Variants in WDFY4 observed in about 807,000 individuals in gnomAD.
WDFY4 encodes WDFY family member 4.
Under a neutral mutation model 351.9 loss-of-function variants are expected in WDFY4, and 169 were observed. That is an observed-to-expected ratio of 0.48 (90% CI 0.42 to 0.55). The LOEUF is 0.55. Ranked by LOEUF, WDFY4 falls within the 20% of genes least tolerant of loss-of-function variation. The probability of loss-of-function intolerance (pLI) is 0.00; values close to 1 mark genes in which losing one functional copy is unlikely to be tolerated. For missense variants in WDFY4, 3,803 were observed against 3,935.6 expected, an observed-to-expected ratio of 0.97 and a Z score of 0.90; for synonymous variants, 1,622 against 1,574.6, an observed-to-expected ratio of 1.03 and a Z score of -0.71.
chr10:48,776,772 G>C lies in WDFY4; in HGVS notation c.2886G>C (p.Leu962Phe), dbSNP rs766569478. Reference protein sequence around the residue: ...GCSGSQTAQGLAEGPWPAAPD... With the variant: ...GCSGSQTAQGFAEGPWPAAPD... Reference sequence around the variant, plus strand: ...TAGGGTCACAGACTGCACAGGGCTTGGCTGAGGGGCCCTGGCCAGCTGCCC... The same window carrying C: ...TAGGGTCACAGACTGCACAGGGCTTCGCTGAGGGGCCCTGGCCAGCTGCCC... The change falls in exon 16 of 62, where the codon TTG (leucine) becomes TTC (phenylalanine). Residue 962 changes from leucine to phenylalanine, a missense_variant. Around this residue, in one of 3 missense-constraint regions of WDFY4, gnomAD observed 3,054 missense variants for 3,148.6 expected, o/e 0.97. Transcript: ENST00000325239. 6.5e-7 allele frequency: 1 copy of C among 1,549,710 alleles called. No individual in the cohort carries two copies. Among genetic ancestry groups the C allele is most frequent in the Non-Finnish European group, 8.7e-7 (1 of 1,146,436 alleles).
chr10:48,926,944 T>C (rs1839622108), intron 47 of WDFY4, among the ~76,000 whole-genome samples: 1 of 151,978 alleles, frequency 6.6e-6, no homozygotes, highest in African/African-American at 2.4e-5. Context: ...CCACATGGAG[T>C]GTGAGTCAAG....
chr10:48,851,058 A>G (rs1379528290), intron 39 of WDFY4, among the ~76,000 whole-genome samples: 1 of 152,230 alleles, frequency 6.6e-6, no homozygotes, highest in Non-Finnish European at 1.5e-5. Context: ...GCCCATCAAT[A>G]GGTCCTTTTT....
At chr10:48,903,131 G>T (rs1031827832) in intron 47 of WDFY4, among the ~76,000 whole-genome samples, 1 of 152,090 alleles carries the variant, frequency 6.6e-6, no homozygotes, top group African/African-American at 2.4e-5. Flanking sequence ...GGAGAAACAT[G>T]TTATGCAGTT....
At chr10:48,979,377 C>G (rs1486734972) in intron 60 of WDFY4, among the ~76,000 whole-genome samples, 1 of 152,208 alleles carries the variant, frequency 6.6e-6, no homozygotes, top group Non-Finnish European at 1.5e-5. Context: ...CTCTTATTCC[C>G]CAGCCTGCTT....
At chr10:48,837,934 G>A (rs530914725) in intron 39 of WDFY4, among the ~76,000 whole-genome samples, 2 of 152,204 alleles carry the variant, frequency 1.3e-5, no homozygotes, top group African/African-American at 2.4e-5. Context: ...AGCAAAGATT[G>A]GGGGACTTAT....
intron 43 of WDFY4, among the ~76,000 whole-genome samples, chr10:48,888,631 T>G (rs866294146): frequency 4.6e-5 from 7 of 152,190 alleles, no homozygotes; most frequent in Admixed American, 1.3e-4. Flanking sequence ...ACCTATGATG[T>G]TGGTACTCCT....
intron 53 of WDFY4, among the ~76,000 whole-genome samples, chr10:48,962,347 C>T (rs77907268): frequency 0.04 from 6,107 of 152,256 alleles, 392 homozygotes; most frequent in African/African-American, 0.13. Flanking sequence ...GGTGACCTGG[C>T]TTCTTCAGAT....
chr10:48,705,772 A>T (rs1041989628), intron 1 of WDFY4, among the ~76,000 whole-genome samples: 3 of 152,152 alleles, frequency 2.0e-5, no homozygotes, highest in Non-Finnish European at 4.4e-5. Flanking sequence ...TTCAGAGGAG[A>T]GCTGGGCGGT....
At chr10:48,694,435 C>T (rs557783294) in intron 1 of WDFY4, among the ~76,000 whole-genome samples, 4 of 152,136 alleles carry the variant, frequency 2.6e-5, no homozygotes, top group Admixed American at 6.5e-5. Flanking sequence ...TCCAAAGCCC[C>T]TGCTTCTGTG....
At chr10:48,762,452 G>T (rs1167516403) in intron 13 of WDFY4, among the ~76,000 whole-genome samples, 1 of 152,238 alleles carries the variant, frequency 6.6e-6, no homozygotes, top group Non-Finnish European at 1.5e-5. Context: ...TTGGGAAAGG[G>T]GTAGGCTGGT....
In WDFY4 at chr10:48,834,856, T is replaced by C. The variant is rs1227969287; in HGVS notation, c.6663+2147T>C. Reference sequence around the variant, plus strand: ...ATACAGCTCAGCTGCCTCCGAGTCCTGGGGACATGCATTGAGCAACAGTTC... The same window carrying C: ...ATACAGCTCAGCTGCCTCCGAGTCCCGGGGACATGCATTGAGCAACAGTTC... On this transcript the variant is annotated intron_variant, in intron 39 of 61. Transcript: ENST00000325239. Among the ~76,000 whole-genome samples the C allele has an allele frequency of 2.6e-5, 4 of 152,332 alleles. No individual in the cohort carries two copies. In the East Asian group the frequency reaches 7.7e-4, roughly 29 times the overall value.
chr10:48,790,113 C>T, intron 22 of WDFY4, 128 bp downstream of exon 22: 1 of 882,394 alleles, frequency 1.1e-6, no homozygotes, highest in Non-Finnish European at 1.8e-6. Flanking sequence ...TCGGGAGGAC[C>T]AGAGTTGGGA....
At chr10:48,752,161 C>G (rs2065204781) in intron 12 of WDFY4, among the ~76,000 whole-genome samples, 1 of 152,218 alleles carries the variant, frequency 6.6e-6, no homozygotes, top group Non-Finnish European at 1.5e-5. Context: ...CCCTACCTTA[C>G]AGCAATGCTT....
rs143587903 is a variant in WDFY4 at position 48,896,802 on chromosome 10, C to T, written c.7317-652C>T. Among the ~76,000 whole-genome samples the T allele has an allele frequency of 1.8e-3, 269 of 152,276 alleles. 1 individual carries two copies. The East Asian group carries it at 0.028, about 16-fold the overall frequency. On this transcript the variant is annotated intron_variant, in intron 44 of 61. Coordinates refer to ENST00000325239, the MANE Select transcript of WDFY4 (RefSeq NM_001394531.1). ...ATGAAGGGTCTGAGTCCTGTCAGTCCCTGTGGCAGCCACAGGCCACACCTG... is the reference window on the plus strand; with the variant it reads ...ATGAAGGGTCTGAGTCCTGTCAGTCTCTGTGGCAGCCACAGGCCACACCTG...
In WDFY4 at chr10:48,723,561, C is replaced by T. The variant is rs573178287; in HGVS notation, c.585C>T (p.Phe195=). 51 of 1,551,862 alleles carry T rather than the reference C, an allele frequency of 3.3e-5. No homozygotes were observed. In the East Asian group the frequency reaches 1.1e-3, roughly 33 times the overall value. The change falls in exon 5 of 62, where the codon TTC becomes TTT. Residue 195 remains phenylalanine (F), a synonymous_variant. Coordinates refer to ENST00000325239, the MANE Select transcript of WDFY4 (RefSeq NM_001394531.1). ...GTGATCTTCAAGTTCAAAAGATGTTCGTGCAGGTGAGTTCAAGGAGGGCCT... is the reference window on the plus strand; with the variant it reads ...GTGATCTTCAAGTTCAAAAGATGTTTGTGCAGGTGAGTTCAAGGAGGGCCT... ...LESDLQVQKM[F]VQMLLNICSD...
Position 48,705,368 on chromosome 10 carries a change from C to T in WDFY4, c.-17-4348C>T, listed in dbSNP as rs186371492. On this transcript the variant is annotated intron_variant, in intron 1 of 61. Coordinates refer to ENST00000325239, the MANE Select transcript of WDFY4 (RefSeq NM_001394531.1). The stretch of plus-strand genomic sequence containing the variant: ...AGGAGGTGAGTGCCTCCTTCATTGC[C>T]CTACCCTCACCCTGGCCTCGCCTGG... Among the ~76,000 whole-genome samples the T allele has an allele frequency of 1.5e-3, 223 of 152,284 alleles. 1 individual carries two copies. The highest frequency in any genetic ancestry group is 5.3e-3 in the African/African-American group (219 of 41,548).
At chr10:48,901,427 C>T (rs1837346316) in intron 46 of WDFY4, among the ~76,000 whole-genome samples, 2 of 152,224 alleles carry the variant, frequency 1.3e-5, no homozygotes, top group Non-Finnish European at 2.9e-5. Flanking sequence ...AACCACTACC[C>T]ACTCGGCTCA....
intron 42 of WDFY4, 125 bp from the exon 43 acceptor site, chr10:48,876,894 GCACAGTGAGAGATC>G (rs1460217455): frequency 1.2e-6 from 1 of 813,132 alleles, no homozygotes; most frequent in East Asian, 3.1e-5. Flanking sequence ...CAGTGGAGGG[GCACAGTGAGAGATC>G]CACGCTCTTC....
chr10:48,925,597 C>CT (rs950892339), intron 47 of WDFY4, among the ~76,000 whole-genome samples: 1 of 152,228 alleles, frequency 6.6e-6, no homozygotes, highest in African/African-American at 2.4e-5. Flanking sequence ...GTGAGCACTG[C>CT]TTCCCTGTGG....
Sources: allele counts gnomAD v4.1 joint callset (sites outside exome capture counted in the v4.1 genomes callset), GRCh38; gene constraint gnomAD v4.1.1; regional missense constraint gnomAD v4.1.1; transcripts MANE v1.5; gene names NCBI Gene and HGNC (gene_info 2026-07-23, HGNC 2026-07-21).